The following SLC16A6 variants were observed in gnomAD, a reference collection of about 807,000 sequenced individuals.
SLC16A6 encodes the protein solute carrier family 16 member 6.
A neutral mutation model predicts 33.8 loss-of-function variants in SLC16A6; 15 were observed. The observed-to-expected ratio is 0.44, with a 90% CI of 0.30 to 0.68. SLC16A6 has a LOEUF of 0.68. Ranked by LOEUF, SLC16A6 falls within the 30% of genes least tolerant of loss-of-function variation. The probability of loss-of-function intolerance (pLI) is 0.10; values close to 1 mark genes in which losing one functional copy is unlikely to be tolerated. For synonymous variants in SLC16A6, 219 were observed against 248.4 expected (o/e 0.88, Z 1.11); for missense variants, 451 against 661.5 (o/e 0.68, Z 3.49).
chr17:68,283,131 A>G (rs2075750828), intron 1 of SLC16A6: 2 of 151,980 alleles, frequency 1.3e-5, no homozygotes, highest in African/African-American at 4.8e-5. Context: ...TGTCTAAAAA[A>G]AATTTTTTTT....
Position 68,278,077 on chromosome 17 carries a change from A to T in SLC16A6, c.232+12T>A. The T allele has an allele frequency of 7.5e-6, 12 of 1,590,142 alleles. No homozygotes were observed. The highest frequency in any genetic ancestry group is 1.0e-5 in the Non-Finnish European group (12 of 1,158,758). On this transcript the variant is annotated intron_variant, in intron 2 of 5. Coordinates refer to ENST00000580666, the MANE Select transcript of SLC16A6 (RefSeq NM_004694.5). ...ATACTTACGTCATGGTTAGGCCGAA[A>T]GATGTACTAACCTGAAAATGTTAAG...
intron 1 of SLC16A6, among the ~76,000 whole-genome samples, chr17:68,282,742 G>C (rs2075731804): frequency 1.5e-5 from 2 of 135,362 alleles, no homozygotes; most frequent in African/African-American, 2.9e-5. Flanking sequence ...AGGAGTTTGA[G>C]AGCAGTCTGG....
chr17:68,277,503 C>T (rs1158967484), intron 2 of SLC16A6, among the ~76,000 whole-genome samples: 6 of 152,028 alleles, frequency 3.9e-5, no homozygotes, highest in Admixed American at 3.9e-4. Context: ...GATCTCAGCT[C>T]ACTGCAACCT....
chr17:68,269,673 G>GTT (rs782421181), intron 5 of SLC16A6, among the ~76,000 whole-genome samples: 5 of 77,908 alleles, frequency 6.4e-5, no homozygotes, highest in African/African-American at 1.5e-4. Flanking sequence ...TTCACTTTAG[G>GTT]TTTTTTTTTT....
chr17:68,275,684 A>C (rs2075490866), intron 2 of SLC16A6, among the ~76,000 whole-genome samples: 1 of 152,138 alleles, frequency 6.6e-6, no homozygotes, highest in African/African-American at 2.4e-5. Context: ...CCACAATTTA[A>C]AAATGAAGTT....
chr17:68,287,670 AC>A (rs1361167384), intron 1 of SLC16A6, among the ~76,000 whole-genome samples: 2 of 152,058 alleles, frequency 1.3e-5, no homozygotes, highest in African/African-American at 2.4e-5. Flanking sequence ...GACACCCTGA[AC>A]CCCGTCCTAC....
At chr17:68,278,739 C>G (rs1555751863) in intron 1 of SLC16A6, among the ~76,000 whole-genome samples, 1 of 151,490 alleles carries the variant, frequency 6.6e-6, no homozygotes, top group Non-Finnish European at 1.5e-5. Flanking sequence ...CCTGCCTCAG[C>G]CTCCCGAGTA....
At chr17:68,290,438 G>A (rs1201224533) in intron 1 of SLC16A6, among the ~76,000 whole-genome samples, 1 of 152,254 alleles carries the variant, frequency 6.6e-6, no homozygotes, top group African/African-American at 2.4e-5. Context: ...TCCTGCGGTT[G>A]GCAGCCCGGG....
intron 1 of SLC16A6, among the ~76,000 whole-genome samples, chr17:68,287,563 C>G (rs76258556): frequency 0.015 from 2,338 of 152,256 alleles, 56 homozygotes; most frequent in African/African-American, 0.053. Flanking sequence ...CTATTCTACT[C>G]TAGCTAGAGC....
intron 1 of SLC16A6, chr17:68,283,150 C>A (rs61237346): frequency 0.23 from 35,183 of 151,686 alleles, 4,419 homozygotes; most frequent in African/African-American, 0.33. Context: ...TTTAAGTTGG[C>A]TGGCGTGGTG....
chr17:68,282,700 T>G (rs2075730480), intron 1 of SLC16A6, among the ~76,000 whole-genome samples: 1 of 146,694 alleles, frequency 6.8e-6, no homozygotes, highest in Non-Finnish European at 1.5e-5. Flanking sequence ...TCCCAGAACT[T>G]TGGGAGGCCG....
intron 2 of SLC16A6, chr17:68,274,400 A>C (rs2075443871): frequency 9.9e-6 from 2 of 201,476 alleles, no homozygotes; most frequent in South Asian, 2.1e-4. Context: ...TGGGAGGCAG[A>C]CGATGCAGTG....
chr17:68,287,766 A>G (rs1285700005), intron 1 of SLC16A6, among the ~76,000 whole-genome samples: 2 of 152,154 alleles, frequency 1.3e-5, no homozygotes, highest in Non-Finnish European at 2.9e-5. Flanking sequence ...ATATAAAGTA[A>G]TAACAGGATA....
chr17:68,290,223 T>C (rs2075939771), intron 1 of SLC16A6, among the ~76,000 whole-genome samples: 1 of 152,220 alleles, frequency 6.6e-6, no homozygotes, highest in Admixed American at 6.5e-5. Context: ...TCTTCCCCAG[T>C]TGGCTCCGGG....
intron 2 of SLC16A6, 95 bp from the exon 3 acceptor site, chr17:68,274,165 T>TG (rs1169906925): frequency 1.9e-5 from 25 of 1,339,192 alleles, no homozygotes; most frequent in Admixed American, 4.1e-5. Flanking sequence ...CATGGAGAGA[T>TG]GATGTCGAAT....
intron 1 of SLC16A6, among the ~76,000 whole-genome samples, chr17:68,279,024 A>G (rs1443128856): frequency 5.9e-5 from 9 of 152,332 alleles, no homozygotes; most frequent in African/African-American, 2.2e-4. Flanking sequence ...GGGCCTCCCA[A>G]AAAGAAAGTT....
chr17:68,279,398 A>C (rs2075623917), intron 1 of SLC16A6, among the ~76,000 whole-genome samples: 1 of 152,084 alleles, frequency 6.6e-6, no homozygotes, highest in Admixed American at 6.6e-5. Flanking sequence ...GTACCTACAC[A>C]GACACAATGT....
At chr17:68,291,441 A>C (rs1181892513), upstream of SLC16A6, 1 of 149,668 alleles carries the variant, frequency 6.7e-6, no homozygotes. Context: ...GCCGCCGACC[A>C]TGTGCTGCGA....
At chr17:68,278,792 G>A (rs1252650482) in intron 1 of SLC16A6, among the ~76,000 whole-genome samples, 2 of 151,752 alleles carry the variant, frequency 1.3e-5, no homozygotes, top group East Asian at 3.9e-4. Context: ...GCTAATTTTT[G>A]TATTTTTAGT....
Sources: gnomAD v4.1 joint callset for allele counts (sites outside exome capture counted in the v4.1 genomes callset) on GRCh38, gnomAD v4.1.1 for gene constraint, MANE v1.5 for transcripts, NCBI Gene and HGNC (gene_info 2026-07-23, HGNC 2026-07-21) for gene names.